CTNNA3: variants seen among roughly 807,000 people sequenced by gnomAD.
The protein encoded by CTNNA3 is catenin alpha 3.
A neutral mutation model predicts 95.7 loss-of-function variants in CTNNA3; 76 were observed. That is an observed-to-expected ratio of 0.79 (90% CI 0.66 to 0.96). The LOEUF is 0.96. Among genes scored for constraint, CTNNA3 ranks in the 40% least tolerant of loss-of-function variants. The pLI is 0.00. For synonymous variants in CTNNA3, 431 were observed against 374.4 expected, an observed-to-expected ratio of 1.15 and a Z score of -1.74; for missense variants, 1,191 against 1,089.8, an observed-to-expected ratio of 1.09 and a Z score of -1.31.
At chr10:67,363,393 A>G (rs1843072286) in intron 5 of CTNNA3, among the ~76,000 whole-genome samples, 1 of 151,880 alleles carries the variant, frequency 6.6e-6, no homozygotes. Context: ...AACAAACAAC[A>G]TAGTACCAGT....
intron 13 of CTNNA3, among the ~76,000 whole-genome samples, chr10:66,190,324 T>C (rs1164472212): frequency 1.3e-5 from 2 of 152,142 alleles, no homozygotes; most frequent in South Asian, 4.1e-4. Context: ...ACAAGAATTC[T>C]TCATCCAGGG....
At chr10:66,767,021 C>T (rs1244785718) in intron 8 of CTNNA3, among the ~76,000 whole-genome samples, 1 of 152,154 alleles carries the variant, frequency 6.6e-6, no homozygotes, top group Non-Finnish European at 1.5e-5. Flanking sequence ...ACAATTAGTT[C>T]TTTTCAATTA....
chr10:67,536,107 T>C (rs1440937047), intron 4 of CTNNA3, among the ~76,000 whole-genome samples: 3 of 151,986 alleles, frequency 2.0e-5, no homozygotes, highest in Non-Finnish European at 2.9e-5. Flanking sequence ...AAACTAAAAG[T>C]CATACAAAGA....
chr10:66,709,438 C>T (rs1018231390), intron 9 of CTNNA3, among the ~76,000 whole-genome samples: 2 of 151,966 alleles, frequency 1.3e-5, no homozygotes, highest in Non-Finnish European at 2.9e-5. Context: ...GCATAAAGGT[C>T]GTCATCCCTT....
intron 13 of CTNNA3, among the ~76,000 whole-genome samples, chr10:66,189,617 T>TATACACAC (rs151078010): frequency 1.8e-4 from 25 of 140,366 alleles, no homozygotes; most frequent in Middle Eastern, 3.6e-3. Context: ...TATATATATA[T>TATACACAC]ACACACATAC....
chr10:67,635,770 T>G (rs1221793945), intron 2 of CTNNA3, among the ~76,000 whole-genome samples: 1 of 152,108 alleles, frequency 6.6e-6, no homozygotes, highest in Non-Finnish European at 1.5e-5. Context: ...AAGGATGCCC[T>G]CTCTTACCAC....
At chr10:67,513,838 C>T (rs1292078500) in intron 5 of CTNNA3, among the ~76,000 whole-genome samples, 1 of 152,180 alleles carries the variant, frequency 6.6e-6, no homozygotes, top group East Asian at 1.9e-4. Flanking sequence ...ACTATAGGTC[C>T]TCTCTTGGTT....
intron 11 of CTNNA3, among the ~76,000 whole-genome samples, 182 bp downstream of exon 11, chr10:66,520,435 A>G (rs1841018390): frequency 6.6e-6 from 1 of 151,522 alleles, no homozygotes; most frequent in Non-Finnish European, 1.5e-5. Context: ...TATTTTTAGT[A>G]GAGCGGGGGT....
rs531486489 is a variant in CTNNA3, at chr10:67,499,610, A to T, written c.579+22232T>A. ...TATTAATTACTGTCTCAATTTCAGA[A>T]CTTGTTATTGGTGTATTCAGGGATT... On this transcript the variant is annotated intron_variant, in intron 5 of 17. Transcript: ENST00000433211. Among the ~76,000 whole-genome samples, 187 of 152,136 alleles carry T rather than the reference A, an allele frequency of 1.2e-3. 1 individual carries two copies. Among genetic ancestry groups the T allele is most frequent in the African/African-American group, 4.3e-3 (177 of 41,504 alleles).
chr10:66,999,056 C>T (rs767862271), intron 7 of CTNNA3, among the ~76,000 whole-genome samples: 32 of 151,910 alleles, frequency 2.1e-4, no homozygotes, highest in African/African-American at 6.5e-4. Context: ...ATAAAGAAAA[C>T]GGAAGACAGG....
chr10:66,544,194 T>C (rs1841966434), intron 10 of CTNNA3, among the ~76,000 whole-genome samples: 1 of 152,008 alleles, frequency 6.6e-6, no homozygotes, highest in African/African-American at 2.4e-5. Flanking sequence ...AGATACAGGA[T>C]GGCCAATTTC....
chr10:66,439,807 T>C (rs1455905008), intron 11 of CTNNA3, among the ~76,000 whole-genome samples: 1 of 152,148 alleles, frequency 6.6e-6, no homozygotes, highest in East Asian at 1.9e-4. Context: ...TATTAGATCA[T>C]ATATAAGGGC....
chr10:66,074,189 C>G (rs2080499421), intron 14 of CTNNA3, among the ~76,000 whole-genome samples: 1 of 151,292 alleles, frequency 6.6e-6, no homozygotes, highest in African/African-American at 2.4e-5. Context: ...TTTGTTTATT[C>G]TCATTGCTCT....
At chr10:66,624,707 C>T (rs568443713) in intron 9 of CTNNA3, among the ~76,000 whole-genome samples, 20 of 152,276 alleles carry the variant, frequency 1.3e-4, no homozygotes, top group Non-Finnish European at 4.4e-5. Flanking sequence ...CTTTAGTTCA[C>T]AGGTCACCAT....
In CTNNA3 at chr10:67,533,086, G is replaced by T. The variant is rs571881386; in HGVS notation, c.459+6417C>A. ...CGCCTGTAATCCCAGCACTTTGGGAGGCCAAGGTGGGCAGATCACCCAAGG... is the reference window on the plus strand; with the variant it reads ...CGCCTGTAATCCCAGCACTTTGGGATGCCAAGGTGGGCAGATCACCCAAGG... On this transcript the variant is annotated intron_variant, in intron 4 of 17. Coordinates refer to ENST00000433211, the MANE Select transcript of CTNNA3 (RefSeq NM_013266.4). 3.1e-3 allele frequency among the ~76,000 whole-genome samples: 466 copies of T among 152,274 alleles called. 3 individuals carry two copies. The highest frequency in any genetic ancestry group is 2.2e-3 in the Non-Finnish European group (147 of 68,016).
At chr10:67,128,874 T>C (rs1255435186) in intron 7 of CTNNA3, among the ~76,000 whole-genome samples, 1 of 152,174 alleles carries the variant, frequency 6.6e-6, no homozygotes, top group Non-Finnish European at 1.5e-5. Context: ...AATGGTGGAA[T>C]AACTACATCT....
At chr10:67,712,078 T>G (rs576903097) in intron 1 of CTNNA3, among the ~76,000 whole-genome samples, 17 of 152,230 alleles carry the variant, frequency 1.1e-4, no homozygotes, top group African/African-American at 3.9e-4. Context: ...TAAAGACACA[T>G]GCACACGTAT....
intron 12 of CTNNA3, among the ~76,000 whole-genome samples, chr10:66,347,450 C>T (rs764113387): frequency 6.6e-6 from 1 of 151,698 alleles, no homozygotes; most frequent in Non-Finnish European, 1.5e-5. Flanking sequence ...TCCGTCTCTA[C>T]AAAACATTTT....
chr10:66,011,881 G>T (rs540971427), intron 15 of CTNNA3, among the ~76,000 whole-genome samples: 2 of 152,270 alleles, frequency 1.3e-5, no homozygotes, highest in Admixed American at 1.3e-4. Flanking sequence ...TTGTTAATTT[G>T]TTATGCGTGT....
Sources: gnomAD v4.1 joint callset for allele counts (sites outside exome capture counted in the v4.1 genomes callset) on GRCh38, gnomAD v4.1.1 for gene constraint, MANE v1.5 for transcripts, NCBI Gene and HGNC (gene_info 2026-07-23, HGNC 2026-07-21) for gene names.